The following ALKBH8 variants were observed in gnomAD, a reference collection of about 807,000 sequenced individuals.
ALKBH8 encodes alkB homolog 8, tRNA methyltransferase.
ALKBH8 carries 36 observed loss-of-function variants against 59.8 expected under a neutral mutation model. The ratio of observed to expected loss-of-function variants is 0.60; its 90% CI spans 0.46 to 0.79. The LOEUF is 0.79. Among genes scored for constraint, ALKBH8 ranks in the 30% least tolerant of loss-of-function variants. ALKBH8 has a pLI of 0.00. For missense variants in ALKBH8, 768 were observed against 801.0 expected (o/e 0.96, Z 0.50); for synonymous variants, 276 against 273.6 (o/e 1.01, Z -0.09).
chr11:107,523,138 T>C (rs191680989), intron 9 of ALKBH8, among the ~76,000 whole-genome samples: 1 of 152,222 alleles, frequency 6.6e-6, no homozygotes, highest in East Asian at 1.9e-4. Context: ...ATGAAATTAG[T>C]ACGTCAGAAA....
chr11:107,561,367 A>C (rs1454668538), intron 1 of ALKBH8, among the ~76,000 whole-genome samples: 1 of 152,130 alleles, frequency 6.6e-6, no homozygotes, highest in Non-Finnish European at 1.5e-5. Context: ...ATTTAGAAAT[A>C]CATACATAGC....
intron 7 of ALKBH8, among the ~76,000 whole-genome samples, chr11:107,546,072 T>C (rs1864240404): frequency 6.6e-6 from 1 of 152,176 alleles, no homozygotes; most frequent in South Asian, 2.1e-4. Context: ...TCTAAAAAAT[T>C]AGTACATAGT....
intron 11 of ALKBH8, among the ~76,000 whole-genome samples, chr11:107,508,184 T>C (rs989191898): frequency 1.3e-5 from 2 of 150,944 alleles, no homozygotes; most frequent in African/African-American, 4.9e-5. Flanking sequence ...TTTTTTTTTT[T>C]TTTTTTTGAG....
intron 8 of ALKBH8, among the ~76,000 whole-genome samples, chr11:107,530,217 C>T (rs1462111585): frequency 1.3e-5 from 2 of 152,116 alleles, no homozygotes; most frequent in African/African-American, 2.4e-5. Flanking sequence ...CCGTCTTCCA[C>T]CTTTGATTTA....
chr11:107,540,777 T>G lies in ALKBH8; in HGVS notation c.772-8371A>C, dbSNP rs188371003. 2.3e-3 allele frequency among the ~76,000 whole-genome samples: 358 copies of G among 152,342 alleles called. 1 individual carries two copies. Among genetic ancestry groups the G allele is most frequent in the African/African-American group, 7.1e-3 (297 of 41,584 alleles). On this transcript the variant is annotated intron_variant, in intron 7 of 11. Transcript: ENST00000428149. The stretch of plus-strand genomic sequence containing the variant: ...CGATAAAATTAAGTTTTACTTTACA[T>G]ATGAAAAGGTTATAGAAGAAATAAA...
rs145502774 is a variant in ALKBH8, at chr11:107,510,924, C to A, written c.1400G>T (p.Cys467Phe). 2.6e-6 allele frequency: 4 copies of A among 1,551,644 alleles called. No homozygotes were observed. The highest frequency in any genetic ancestry group is 3.5e-6 in the Non-Finnish European group (4 of 1,146,930). Residue 467 changes from cysteine to phenylalanine, a missense_variant, in exon 11 of 12, where the codon TGC (cysteine) becomes TTC (phenylalanine). Cys to Phe is a radical substitution (Grantham distance 205). Transcript: ENST00000428149. The part of the protein sequence containing the change: ...VPVRSGSCDA[C>F]ISIAVIHHFA... ...ATGATGAATAACAGCAATGGAGATG[C>A]AGGCATCACAAGACCCACTGCGGAC...
intron 7 of ALKBH8, among the ~76,000 whole-genome samples, chr11:107,536,937 C>T (rs1388440408): frequency 6.6e-6 from 1 of 152,188 alleles, no homozygotes; most frequent in African/African-American, 2.4e-5. Context: ...TACAACTCCA[C>T]TTAGACTGTA....
At chr11:107,530,513 A>C (rs1359277791) in intron 8 of ALKBH8, among the ~76,000 whole-genome samples, 2 of 147,732 alleles carry the variant, frequency 1.4e-5, no homozygotes, top group African/African-American at 2.5e-5. Flanking sequence ...ATCATTGGTT[A>C]TCTCTCTCTC....
Position 107,505,039 on chromosome 11 carries a change from C to A in ALKBH8, c.1614G>T (p.Gln538His). 6.4e-7 allele frequency: 1 copy of A among 1,551,708 alleles called. No individual in the cohort carries two copies. Among genetic ancestry groups the A allele is most frequent in the African/African-American group, 1.4e-5 (1 of 73,160 alleles). The change falls in exon 12 of 12, where the codon CAG becomes CAT. Residue 538 changes from glutamine to histidine, a missense_variant. Gln to His is a conservative substitution (Grantham distance 24). Transcript: ENST00000428149. ...KEEMNSDTSVQRSLVEQMRDM... is the reference protein window; with the variant it reads ...KEEMNSDTSVHRSLVEQMRDM... ...CACGCATTTGCTCCACAAGTGACCT[C>A]TGCACTGAGGTATCACTGTTCATCT...
rs755417294 is a variant in ALKBH8, at chr11:107,553,103, C to A, written c.595+5G>T. 6.4e-7 allele frequency: 1 copy of A among 1,556,814 alleles called. No homozygotes were observed. Among genetic ancestry groups the A allele is most frequent in the South Asian group, 1.2e-5 (1 of 85,202 alleles). ...AGAATTTATTATGTATTAGCAATTA[C>A]TTACCCCCAGATAATGGCTTATCTT... On this transcript the variant is annotated splice_donor_5th_base_variant and intron_variant, in intron 5 of 11. Transcript: ENST00000428149.
At position 107,551,725 on chromosome 11, in the gene ALKBH8, A is replaced by G. The variant is rs181334201; in HGVS notation, c.700+83T>C. 2.1e-5 allele frequency: 10 copies of G among 482,230 alleles called. No homozygotes were observed. The Admixed American group carries it at 3.5e-4, about 17-fold the overall frequency. 29.9% of individuals were successfully genotyped at this position (482,230 alleles called of 1,614,324 possible). ...AAAAAAAATAATAATAATAATAATAATAATATATCTGCCCTTAGAGAATTA... is the reference window on the plus strand; with the variant it reads ...AAAAAAAATAATAATAATAATAATAGTAATATATCTGCCCTTAGAGAATTA... On this transcript the variant is annotated intron_variant, in intron 6 of 11. Transcript: ENST00000428149.
intron 3 of ALKBH8, 73 bp downstream of exon 3, chr11:107,556,693 C>A (rs187707485): frequency 9.2e-6 from 10 of 1,082,636 alleles, no homozygotes; most frequent in Non-Finnish European, 1.2e-5. Flanking sequence ...AATAACTGAA[C>A]CTCCCAACTT....
chr11:107,511,248 C>G (rs924218160), intron 10 of ALKBH8, among the ~76,000 whole-genome samples: 2 of 152,052 alleles, frequency 1.3e-5, no homozygotes, highest in African/African-American at 4.8e-5. Flanking sequence ...AGATATCAAA[C>G]AGAACTCCAA....
intron 7 of ALKBH8, among the ~76,000 whole-genome samples, chr11:107,536,976 T>C (rs1863843183): frequency 6.6e-6 from 1 of 152,228 alleles, no homozygotes; most frequent in Non-Finnish European, 1.5e-5. Flanking sequence ...AAGTCTACTA[T>C]GAGGAGGGCA....
At position 107,532,345 on chromosome 11, in the gene ALKBH8, C is replaced by T. The variant is rs1187680426; in HGVS notation, c.833G>A (p.Ser278Asn). Residue 278 changes from serine (S) to asparagine (N), a missense_variant, in exon 8 of 12, where the codon AGT becomes AAT. Transcript: ENST00000428149. ...IAVPVMLPRR[S>N]LLVMTGESRY... ...AGATTCTCCTGTCATCACCAGCAAACTCCGACGAGGCAACATAACTGGCAC... is the reference window on the plus strand; with the variant it reads ...AGATTCTCCTGTCATCACCAGCAAATTCCGACGAGGCAACATAACTGGCAC... 1 of 1,613,646 alleles carries T rather than the reference C, an allele frequency of 6.2e-7. No homozygotes were observed. Among genetic ancestry groups the T allele is most frequent in the Admixed American group, 1.7e-5 (1 of 60,002 alleles).
In ALKBH8 at chr11:107,553,033, T is replaced by TC. The variant is rs1406081852; in HGVS notation, c.595+74dup. The TC allele has an allele frequency of 1.4e-5, 12 of 846,144 alleles. No homozygotes were observed. The South Asian group carries it at 1.9e-4, about 13-fold the overall frequency. 52.4% of individuals were successfully genotyped at this position (846,144 alleles called of 1,614,324 possible). A position where few individuals can be genotyped will look rare whatever the true frequency, so the allele number is the denominator to read the frequency against. On this transcript the variant is annotated intron_variant, in intron 5 of 11. Coordinates refer to ENST00000428149, the MANE Select transcript of ALKBH8 (RefSeq NM_138775.3). ...TCTACAAATGACAAAAGAAACATAA[T>TC]CCCCCAACTATCATATTCTACTAAT...
intron 7 of ALKBH8, among the ~76,000 whole-genome samples, chr11:107,545,221 A>T (rs471668): frequency 0.75 from 114,641 of 152,060 alleles, 44,369 homozygotes; most frequent in South Asian, 0.85. Context: ...TTTAAGTGGT[A>T]TAAAGAAAAT....
intron 10 of ALKBH8, among the ~76,000 whole-genome samples, chr11:107,514,192 A>T (rs1485206704): frequency 6.6e-6 from 1 of 152,212 alleles, no homozygotes; most frequent in African/African-American, 2.4e-5. Flanking sequence ...ATTTACCAAA[A>T]AAAACAGTAT....
chr11:107,532,870 A>C (rs1453737553), intron 7 of ALKBH8, among the ~76,000 whole-genome samples: 1 of 152,210 alleles, frequency 6.6e-6, no homozygotes, highest in Non-Finnish European at 1.5e-5. Flanking sequence ...ATAGACAATT[A>C]TAAAGATAAT....
Sources: allele counts gnomAD v4.1 joint callset (sites outside exome capture counted in the v4.1 genomes callset), GRCh38; gene constraint gnomAD v4.1.1; transcripts MANE v1.5; gene names NCBI Gene and HGNC (gene_info 2026-07-23, HGNC 2026-07-21).